Variants in CRB1 observed in about 807,000 individuals in gnomAD.
CRB1 encodes the protein protein crumbs homolog 1.
In CRB1, 83 loss-of-function variants were observed where a neutral mutation model predicts 120.0. The observed-to-expected ratio is 0.69, with a 90% CI of 0.58 to 0.83. CRB1 has a LOEUF of 0.83. Ranked by LOEUF, CRB1 falls within the 40% of genes least tolerant of loss-of-function variation. The pLI is 0.00. For synonymous variants in CRB1, 625 were observed against 612.5 expected (o/e 1.02, Z -0.30); for missense variants, 1,699 against 1,687.6 (o/e 1.01, Z -0.12).
At chr1:197,325,468 T>C (rs539380110) in intron 1 of CRB1, among the ~76,000 whole-genome samples, 1 of 152,294 alleles carries the variant, frequency 6.6e-6, no homozygotes, top group African/African-American at 2.4e-5. Flanking sequence ...AATATCAAAT[T>C]TTATGTTCAC....
Position 197,388,898 on chromosome 1 carries a change from T to C in CRB1, c.1171+31885T>C, listed in dbSNP as rs559681142. Reference sequence around the variant, plus strand: ...CTGATTTTAAAATAGGCAAAGGACTTGAATTAGACATTTCTCCAAAGAAGA... The same window carrying C: ...CTGATTTTAAAATAGGCAAAGGACTCGAATTAGACATTTCTCCAAAGAAGA... On this transcript the variant is annotated intron_variant, in intron 5 of 11. Coordinates refer to ENST00000367400, the MANE Select transcript of CRB1 (RefSeq NM_201253.3). Among the ~76,000 whole-genome samples, 4 of 152,190 alleles carry C rather than the reference T, an allele frequency of 2.6e-5. No homozygotes were observed. The East Asian group carries it at 7.7e-4, about 29-fold the overall frequency.
chr1:197,447,786 C>T (rs1665770825), intron 11 of CRB1, among the ~76,000 whole-genome samples: 2 of 149,000 alleles, frequency 1.3e-5, no homozygotes, highest in South Asian at 2.1e-4. Flanking sequence ...CCTGGGAAGT[C>T]GAGGCTGCCA....
At chr1:197,297,847 G>C (rs1656625901) in intron 1 of CRB1, among the ~76,000 whole-genome samples, 1 of 152,104 alleles carries the variant, frequency 6.6e-6, no homozygotes, top group South Asian at 2.1e-4. Flanking sequence ...TTAAGAGATA[G>C]AGAGATAAGA....
intron 5 of CRB1, among the ~76,000 whole-genome samples, chr1:197,378,574 G>C (rs1049749564): frequency 1.3e-5 from 2 of 152,148 alleles, no homozygotes; most frequent in African/African-American, 4.8e-5. Flanking sequence ...CTAAGATGCA[G>C]CTATATAAAT....
chr1:197,353,158 G>C (rs775480112), intron 4 of CRB1, among the ~76,000 whole-genome samples: 1 of 152,094 alleles, frequency 6.6e-6, no homozygotes, highest in African/African-American at 2.4e-5. Flanking sequence ...AGAAAATAAG[G>C]GGATCTTATT....
At chr1:197,337,793 A>G (rs890407239) in intron 2 of CRB1, among the ~76,000 whole-genome samples, 2 of 152,280 alleles carry the variant, frequency 1.3e-5, no homozygotes, top group Admixed American at 1.3e-4. Context: ...TCTCTCTGCC[A>G]CACTTATAAA....
the CRB1 span, among the ~76,000 whole-genome samples, chr1:197,240,319 T>G: frequency 6.6e-6 from 1 of 152,174 alleles, no homozygotes; most frequent in Non-Finnish European, 1.5e-5. Flanking sequence ...GCTGCACCCA[T>G]CAACCCGTCA....
chr1:197,467,519 A>G (rs769825925), intron 11 of CRB1, among the ~76,000 whole-genome samples: 26 of 152,158 alleles, frequency 1.7e-4, no homozygotes, highest in Non-Finnish European at 3.4e-4. Flanking sequence ...TCCCTTATAG[A>G]TTTTTTAAAT....
At chr1:197,320,443 A>G (rs933838639) in intron 1 of CRB1, among the ~76,000 whole-genome samples, 1 of 152,178 alleles carries the variant, frequency 6.6e-6, no homozygotes, top group Non-Finnish European at 1.5e-5. Flanking sequence ...TTTTGAATTT[A>G]TTAAATTTTA....
At chr1:197,351,507 C>G (rs557495507) in intron 4 of CRB1, among the ~76,000 whole-genome samples, 1 of 152,012 alleles carries the variant, frequency 6.6e-6, no homozygotes. Flanking sequence ...GGGAGCAGGA[C>G]TAAAGCCAGA....
At chr1:197,432,148 A>G (rs942628410) in intron 8 of CRB1, among the ~76,000 whole-genome samples, 4 of 152,154 alleles carry the variant, frequency 2.6e-5, no homozygotes, top group African/African-American at 9.7e-5. Flanking sequence ...GTGATTAGGT[A>G]TATCGTGGTT....
intron 10 of CRB1, chr1:197,439,867 G>A (rs951128467): frequency 6.6e-6 from 1 of 152,092 alleles, no homozygotes; most frequent in Admixed American, 6.6e-5. Context: ...AAAGACACAG[G>A]TCTTTTGCCA....
chr1:197,402,899 C>T (rs1663140726), intron 5 of CRB1, among the ~76,000 whole-genome samples: 1 of 152,128 alleles, frequency 6.6e-6, no homozygotes, highest in African/African-American at 2.4e-5. Context: ...TATTGCAATG[C>T]TAGTTTTAGT....
In CRB1 at chr1:197,386,807, T is replaced by C. The variant is rs528388369; in HGVS notation, c.1171+29794T>C. Among the ~76,000 whole-genome samples, 4 of 152,302 alleles carry C rather than the reference T, an allele frequency of 2.6e-5. No homozygotes were observed. The South Asian group carries it at 6.2e-4, about 24-fold the overall frequency. On this transcript the variant is annotated intron_variant, in intron 5 of 11. Coordinates refer to ENST00000367400, the MANE Select transcript of CRB1 (RefSeq NM_201253.3). ...TGAAATATTTTCAGGGATATGATAT[T>C]AAGCTCTTTTAAGAAAATCGGAGCG... is the stretch of plus-strand genomic sequence containing the variant.
intron 1 of CRB1, among the ~76,000 whole-genome samples, chr1:197,300,210 T>C (rs1656784564): frequency 6.6e-6 from 1 of 151,940 alleles, no homozygotes; most frequent in Non-Finnish European, 1.5e-5. Context: ...GTCACCCAAC[T>C]ATCACTTTAA....
At chr1:197,233,734 T>G in the CRB1 span, among the ~76,000 whole-genome samples, 1 of 152,228 alleles carries the variant, frequency 6.6e-6, no homozygotes, top group African/African-American at 2.4e-5. Flanking sequence ...AGCTGTTGAC[T>G]TATTCAAGGT....
chr1:197,374,728 CA>C (rs1408222372), intron 5 of CRB1, among the ~76,000 whole-genome samples: 1 of 152,064 alleles, frequency 6.6e-6, no homozygotes, highest in Non-Finnish European at 1.5e-5. Context: ...ATAAAATCAT[CA>C]TTTTTTTTTC....
intron 5 of CRB1, among the ~76,000 whole-genome samples, chr1:197,404,647 G>C (rs2125439310): frequency 6.6e-6 from 1 of 151,902 alleles, no homozygotes; most frequent in East Asian, 1.9e-4. Context: ...TCTTTTTCTT[G>C]TCTTCATACA....
chr1:197,429,784 C>T (rs1365170594), intron 8 of CRB1, among the ~76,000 whole-genome samples, 170 bp downstream of exon 8: 2 of 152,146 alleles, frequency 1.3e-5, no homozygotes, highest in African/African-American at 4.8e-5. Context: ...CTCATCCTGC[C>T]CTTGGTGGCT....
Sources: allele counts gnomAD v4.1 joint callset (sites outside exome capture counted in the v4.1 genomes callset), GRCh38; gene constraint gnomAD v4.1.1; transcripts MANE v1.5; gene names NCBI Gene and HGNC (gene_info 2026-07-23, HGNC 2026-07-21).